Variants in ZDHHC15 observed in about 807,000 individuals in gnomAD.
ZDHHC15 encodes the protein palmitoyltransferase ZDHHC15.
A neutral mutation model predicts 31.7 loss-of-function variants in ZDHHC15; 19 were observed. The ratio of observed to expected loss-of-function variants is 0.60; its 90% CI spans 0.42 to 0.88. ZDHHC15 has a LOEUF of 0.88. ZDHHC15 is among the 40% of genes least tolerant of loss of function. ZDHHC15 has a pLI of 0.00. For missense variants in ZDHHC15, 209 were observed against 251.2 expected (o/e 0.83, Z 1.14); for synonymous variants, 103 against 90.0 (o/e 1.14, Z -0.82).
intron 1 of ZDHHC15, among the ~76,000 whole-genome samples, chrX:75,518,806 TACACACACACACACAC>T (rs57864438): frequency 8.7e-5 from 2 of 22,898 alleles, no homozygotes; most frequent in African/African-American, 3.5e-4. Context: ...TATATATATA[TACACACACACACACAC>T]ACACACACAC....
chrX:75,413,089 G>C (rs1011625221), intron 10 of ZDHHC15, among the ~76,000 whole-genome samples: 1 of 112,189 alleles, frequency 8.9e-6, no homozygotes, highest in Non-Finnish European at 1.9e-5. Flanking sequence ...GTAACTATGT[G>C]AGATGATGTA....
At chrX:75,424,503 TA>T in intron 8 of ZDHHC15, 148 bp downstream of exon 8, 1 of 586,080 alleles carries the variant, frequency 1.7e-6, no homozygotes, top group Non-Finnish European at 2.5e-6. Context: ...TCTATTTCGG[TA>T]AAATGTATTT....
chrX:75,432,679 G>A (rs907518915), intron 4 of ZDHHC15, among the ~76,000 whole-genome samples: 2 of 111,468 alleles, frequency 1.8e-5, no homozygotes, highest in African/African-American at 6.5e-5. Context: ...TGGGTGATCT[G>A]TCAAAATCTA....
chrX:75,421,871 C>G lies in ZDHHC15; in HGVS notation c.856G>C (p.Gly286Arg). The G allele has an allele frequency of 8.3e-7, 1 of 1,208,963 alleles. No individual in the cohort carries two copies. The highest frequency in any genetic ancestry group is 1.8e-5 in the South Asian group (1 of 56,684). ...DKKKFWLIPIGSSPGDGHSFP... is the reference protein window; with the variant it reads ...DKKKFWLIPIRSSPGDGHSFP... Reference sequence around the variant, plus strand: ...GTGGTAATATTTACTCACCTGGAACCAATAGGTATTAACCAGAACTTCTTC... The same window carrying G: ...GTGGTAATATTTACTCACCTGGAACGAATAGGTATTAACCAGAACTTCTTC... The change falls in exon 9 of 12, where the codon GGT (glycine) becomes CGT (arginine). Residue 286 changes from glycine (G) to arginine (R), a missense_variant. Gly to Arg is a moderately radical substitution (Grantham distance 125, BLOSUM62 -2). Transcript: ENST00000373367.
At position 75,419,411 on chromosome X, in the gene ZDHHC15, A is replaced by G. The variant is rs771999002; in HGVS notation, c.864-2221T>C. Among the ~76,000 whole-genome samples the G allele has an allele frequency of 5.4e-5, 6 of 111,873 alleles. No homozygotes were observed. The South Asian group carries it at 2.3e-3, about 43-fold the overall frequency. ...AAAACCACAATGAGTACCATCTCAC[A>G]CCAGTTAGAATGGCGATCATGAAAA... On this transcript the variant is annotated intron_variant, in intron 9 of 11. Coordinates refer to ENST00000373367, the MANE Select transcript of ZDHHC15 (RefSeq NM_144969.3).
chrX:75,429,056 C>T, intron 7 of ZDHHC15, 22 bp downstream of exon 7: 1 of 1,205,828 alleles, frequency 8.3e-7, no homozygotes, highest in Non-Finnish European at 1.1e-6. Context: ...CTAGGGGACC[C>T]TTCAGGATAT....
chrX:75,504,889 A>C (rs2085135379), intron 2 of ZDHHC15, among the ~76,000 whole-genome samples: 1 of 111,796 alleles, frequency 8.9e-6, no homozygotes, highest in Non-Finnish European at 1.9e-5. Flanking sequence ...CACTGTTCTA[A>C]GTGCTCTACA....
chrX:75,502,207 C>A (rs989558300), intron 2 of ZDHHC15: 1 of 111,679 alleles, frequency 9.0e-6, no homozygotes, highest in East Asian at 2.8e-4. Context: ...AGATAGTCAT[C>A]TTCTCCCTGT....
intron 2 of ZDHHC15, among the ~76,000 whole-genome samples, chrX:75,504,352 T>G (rs958763005): frequency 2.7e-5 from 3 of 111,979 alleles, no homozygotes; most frequent in African/African-American, 9.7e-5. Context: ...TATACTGTAT[T>G]GTGTTTTACT....
intron 10 of ZDHHC15, among the ~76,000 whole-genome samples, chrX:75,398,318 T>A (rs991675025): frequency 1.1e-4 from 12 of 112,196 alleles, no homozygotes; most frequent in Non-Finnish European, 2.1e-4. Context: ...GCCTAGCTCC[T>A]CTACCAAAAC....
chrX:75,446,440 C>T (rs769688061), intron 4 of ZDHHC15, among the ~76,000 whole-genome samples: 1 of 111,656 alleles, frequency 9.0e-6, no homozygotes, highest in Non-Finnish European at 1.9e-5. Flanking sequence ...GTACCTTTCA[C>T]TAACACTGTG....
rs1431048624 is a variant in ZDHHC15 at position 75,369,067 on chromosome X, A to G, written c.*3911T>C. 1 of 111,915 alleles carries G rather than the reference A, an allele frequency of 8.9e-6. No homozygotes were observed. The highest frequency in any genetic ancestry group is 1.9e-5 in the Non-Finnish European group (1 of 53,223). 9.2% of individuals were successfully genotyped at this position (111,915 alleles called of 1,213,427 possible). On this transcript the variant is annotated 3_prime_UTR_variant, in exon 12 of 12. Transcript: ENST00000373367. ...CGAGATGGAACTCATTAATTTTCTA[A>G]GAATATGGATCTTGTCCAAGGGCCT...
At chrX:75,436,638 T>C (rs1414694096) in intron 4 of ZDHHC15, among the ~76,000 whole-genome samples, 5 of 112,303 alleles carry the variant, frequency 4.5e-5, no homozygotes, top group Non-Finnish European at 9.4e-5. Context: ...TGTATTCACA[T>C]GGTTTTGAAG....
chrX:75,385,530 T>C (rs948929478), intron 10 of ZDHHC15, among the ~76,000 whole-genome samples: 1 of 111,844 alleles, frequency 8.9e-6, no homozygotes, highest in Admixed American at 9.5e-5. Context: ...ATTTTCTACA[T>C]GTAACCCTGT....
chrX:75,462,045 CAA>C (rs1241877677), intron 3 of ZDHHC15, among the ~76,000 whole-genome samples: 1 of 111,450 alleles, frequency 9.0e-6, no homozygotes, highest in Non-Finnish European at 1.9e-5. Context: ...ATCTCAAGTG[CAA>C]AGACACACAT....
chrX:75,453,300 TA>T (rs2084155766), intron 3 of ZDHHC15, among the ~76,000 whole-genome samples: 2 of 111,210 alleles, frequency 1.8e-5, no homozygotes, highest in Non-Finnish European at 3.8e-5. Context: ...AAGAAATGAA[TA>T]AATTCCTGGA....
intron 1 of ZDHHC15, among the ~76,000 whole-genome samples, chrX:75,517,533 A>G (rs2085376948): frequency 1.0e-5 from 1 of 95,311 alleles, no homozygotes; most frequent in Admixed American, 1.2e-4. Context: ...TGCGAATTGA[A>G]CAATGAGAAC....
chrX:75,385,855 T>C (rs1481158390), intron 10 of ZDHHC15, among the ~76,000 whole-genome samples: 4 of 111,876 alleles, frequency 3.6e-5, no homozygotes, highest in Non-Finnish European at 7.5e-5. Flanking sequence ...ACAAATTTTA[T>C]GGTTTTAATC....
chrX:75,421,411 A>T (rs6655572), intron 9 of ZDHHC15, among the ~76,000 whole-genome samples: 16 of 26,049 alleles, frequency 6.1e-4, no homozygotes, highest in African/African-American at 2.3e-3. Context: ...ATATATATAT[A>T]ATATATATAT....
Sources: allele counts gnomAD v4.1 joint callset (sites outside exome capture counted in the v4.1 genomes callset), GRCh38; gene constraint gnomAD v4.1.1; transcripts MANE v1.5; gene names NCBI Gene and HGNC (gene_info 2026-07-23, HGNC 2026-07-21).